The following UNC5D variants were observed in gnomAD, a reference collection of about 807,000 sequenced individuals.
UNC5D encodes the protein netrin receptor UNC5D.
In UNC5D, 39 loss-of-function variants were observed where a neutral mutation model predicts 105.4. That is an observed-to-expected ratio of 0.37 (90% CI 0.29 to 0.48). The LOEUF (loss-of-function observed/expected upper bound fraction) is 0.48, where lower values mean the gene tolerates loss of function less well. Ranked by LOEUF, UNC5D falls within the 20% of genes least tolerant of loss-of-function variation. The pLI, the probability that UNC5D is intolerant of heterozygous loss-of-function variation, is 0.98. For synonymous variants in UNC5D, 452 were observed against 450.4 expected (o/e 1.00, Z -0.04); for missense variants, 991 against 1,202.4 (o/e 0.82, Z 2.60).
intron 1 of UNC5D, among the ~76,000 whole-genome samples, chr8:35,285,693 T>C (rs148077335): frequency 6.6e-6 from 1 of 152,288 alleles, no homozygotes; most frequent in African/African-American, 2.4e-5. Context: ...AAGAGGTCTT[T>C]CTGGGTGAGC....
At chr8:35,308,896 CT>C (rs1207515470) in intron 1 of UNC5D, among the ~76,000 whole-genome samples, 1 of 151,962 alleles carries the variant, frequency 6.6e-6, no homozygotes, top group Non-Finnish European at 1.5e-5. Context: ...ATGTTTTAGT[CT>C]TTAACAGGGA....
At chr8:35,444,097 CT>C (rs1378335624) in intron 1 of UNC5D, among the ~76,000 whole-genome samples, 5 of 151,864 alleles carry the variant, frequency 3.3e-5, no homozygotes, top group Admixed American at 6.6e-5. Context: ...TTGGGGGAAC[CT>C]TTTTTTCACC....
intron 1 of UNC5D, among the ~76,000 whole-genome samples, chr8:35,413,571 C>T (rs796246363): frequency 6.6e-5 from 10 of 151,608 alleles, no homozygotes; most frequent in African/African-American, 1.9e-4. Flanking sequence ...TGCCCTTTGA[C>T]TTTCTGCTAC....
intron 1 of UNC5D, among the ~76,000 whole-genome samples, chr8:35,237,458 G>A (rs1170594461): frequency 6.6e-6 from 1 of 152,028 alleles, no homozygotes; most frequent in Non-Finnish European, 1.5e-5. Context: ...TACTATTCGT[G>A]TGGAATACCT....
At chr8:35,346,545 T>A (rs1382089702) in intron 1 of UNC5D, among the ~76,000 whole-genome samples, 2 of 152,002 alleles carry the variant, frequency 1.3e-5, no homozygotes, top group Non-Finnish European at 2.9e-5. Context: ...CTTTGAACAT[T>A]TTACTTTTTC....
intron 1 of UNC5D, among the ~76,000 whole-genome samples, chr8:35,439,885 G>A (rs1248835111): frequency 6.8e-6 from 1 of 146,060 alleles, no homozygotes; most frequent in Admixed American, 6.6e-5. Flanking sequence ...TCCACTGTTA[G>A]TCAAAAATCT....
chr8:35,321,730 T>C (rs1016205488), intron 1 of UNC5D, among the ~76,000 whole-genome samples: 1 of 152,160 alleles, frequency 6.6e-6, no homozygotes, highest in Non-Finnish European at 1.5e-5. Flanking sequence ...ACAAACTATA[T>C]AGGCAGATTA....
intron 4 of UNC5D, among the ~76,000 whole-genome samples, chr8:35,635,302 C>T (rs1483965178): frequency 2.6e-5 from 4 of 152,060 alleles, no homozygotes; most frequent in Admixed American, 2.0e-4. Flanking sequence ...GTATTGATAC[C>T]TCTCTTGCTG....
rs1807247143 is a variant in UNC5D at position 35,293,675 on chromosome 8, G to C, written c.103+57788G>C. Among the ~76,000 whole-genome samples the C allele has an allele frequency of 2.0e-5, 3 of 152,248 alleles. No individual in the cohort carries two copies. The South Asian group carries it at 6.2e-4, about 32-fold the overall frequency. On this transcript the variant is annotated intron_variant, in intron 1 of 16. Coordinates refer to ENST00000404895, the MANE Select transcript of UNC5D (RefSeq NM_080872.4). ...CCTGTAAAGTCATGCACAACATCTG[G>C]ACATAATTTTGTCCAACAGGAATTT...
rs1432199406 is a variant in UNC5D, at chr8:35,327,057, T to C, written c.103+91170T>C. 2.6e-5 allele frequency among the ~76,000 whole-genome samples: 4 copies of C among 152,282 alleles called. No homozygotes were observed. The East Asian group carries it at 7.7e-4, about 29-fold the overall frequency. ...AATTTGTCTGAATTAGTGGAAATGG[T>C]CAGATATATATTTCTATGAAATGCA... On this transcript the variant is annotated intron_variant, in intron 1 of 16. Transcript: ENST00000404895.
chr8:35,323,336 C>G (rs1809899119), intron 1 of UNC5D, among the ~76,000 whole-genome samples: 1 of 151,580 alleles, frequency 6.6e-6, no homozygotes, highest in South Asian at 2.1e-4. Flanking sequence ...TAATTGGTGT[C>G]TTTATGTTTT....
chr8:35,435,185 T>C lies in UNC5D; in HGVS notation c.104-114107T>C, dbSNP rs369963948. Among the ~76,000 whole-genome samples, 15 of 152,252 alleles carry C rather than the reference T, an allele frequency of 9.9e-5. No homozygotes were observed. In the East Asian group the frequency reaches 2.3e-3, roughly 23 times the overall value. Reference sequence around the variant, plus strand: ...ATTTTATATATAATTACCAATATGGTAAATTCTTAATTTTGTTTTGAAGTA... The same window carrying C: ...ATTTTATATATAATTACCAATATGGCAAATTCTTAATTTTGTTTTGAAGTA... On this transcript the variant is annotated intron_variant, in intron 1 of 16. Coordinates refer to ENST00000404895, the MANE Select transcript of UNC5D (RefSeq NM_080872.4).
At chr8:35,618,490 A>G (rs1453602666) in intron 4 of UNC5D, among the ~76,000 whole-genome samples, 2 of 152,224 alleles carry the variant, frequency 1.3e-5, no homozygotes, top group South Asian at 2.1e-4. Flanking sequence ...CAAAGTAGAG[A>G]TGGGAGCTGA....
chr8:35,576,888 C>A (rs532034369), intron 3 of UNC5D, among the ~76,000 whole-genome samples: 1 of 152,180 alleles, frequency 6.6e-6, no homozygotes, highest in African/African-American at 2.4e-5. Flanking sequence ...GCTAGGATTA[C>A]AGGCATGAGC....
chr8:35,247,413 T>G (rs1048237040), intron 1 of UNC5D, among the ~76,000 whole-genome samples: 1 of 147,064 alleles, frequency 6.8e-6, no homozygotes, highest in African/African-American at 2.5e-5. Flanking sequence ...TAGGGTGCCT[T>G]AAGTCTTAAT....
chr8:35,294,466 C>T (rs1807315617), intron 1 of UNC5D, among the ~76,000 whole-genome samples: 1 of 152,102 alleles, frequency 6.6e-6, no homozygotes, highest in African/African-American at 2.4e-5. Flanking sequence ...CTAAAATTAT[C>T]AAACCATCCT....
At chr8:35,393,294 C>T (rs1018689512) in intron 1 of UNC5D, among the ~76,000 whole-genome samples, 20 of 151,492 alleles carry the variant, frequency 1.3e-4, no homozygotes, top group East Asian at 5.9e-4. Context: ...CCACCTCGCC[C>T]GGCTAATTTT....
At chr8:35,597,600 C>T (rs1219754771) in intron 4 of UNC5D, among the ~76,000 whole-genome samples, 3 of 152,136 alleles carry the variant, frequency 2.0e-5, no homozygotes, top group African/African-American at 4.8e-5. Context: ...GGTTCTGTGC[C>T]GGGTCACTAC....
chr8:35,699,200 C>A (rs1586469012), intron 7 of UNC5D, among the ~76,000 whole-genome samples: 1 of 152,056 alleles, frequency 6.6e-6, no homozygotes, highest in African/African-American at 2.4e-5. Flanking sequence ...TGATTGAGCT[C>A]AAAAATATGT....
Sources: gnomAD v4.1 joint callset for allele counts (sites outside exome capture counted in the v4.1 genomes callset) on GRCh38, gnomAD v4.1.1 for gene constraint, MANE v1.5 for transcripts, NCBI Gene and HGNC (gene_info 2026-07-23, HGNC 2026-07-21) for gene names.